GPR19: variants seen among roughly 807,000 people sequenced by gnomAD.
GPR19 encodes the protein probable G protein-coupled receptor 19.
GPR19 carries 14 observed loss-of-function variants against 28.5 expected under a neutral mutation model. The ratio of observed to expected loss-of-function variants is 0.49; its 90% CI spans 0.32 to 0.77. The LOEUF is 0.77. Ranked by LOEUF, GPR19 falls within the 30% of genes least tolerant of loss-of-function variation. The pLI, the probability that GPR19 is intolerant of heterozygous loss-of-function variation, is 0.03. For missense variants in GPR19, 409 were observed against 504.1 expected (o/e 0.81, Z 1.81); for synonymous variants, 173 against 184.1 (o/e 0.94, Z 0.49).
chr12:12,672,405 C>G (rs1403510996), intron 3 of GPR19, among the ~76,000 whole-genome samples: 1 of 152,140 alleles, frequency 6.6e-6, no homozygotes, highest in East Asian at 1.9e-4. Flanking sequence ...CCTACATTCA[C>G]ACAAAATCTG....
At chr12:12,688,115 T>A (rs1946120938) in intron 2 of GPR19, among the ~76,000 whole-genome samples, 1 of 152,170 alleles carries the variant, frequency 6.6e-6, no homozygotes, top group Admixed American at 6.5e-5. Flanking sequence ...GTTGAACGGG[T>A]TATTTGTAGA....
chr12:12,691,579 G>A (rs183787244), intron 2 of GPR19, among the ~76,000 whole-genome samples: 16 of 152,052 alleles, frequency 1.1e-4, no homozygotes, highest in Admixed American at 2.0e-4. Context: ...TTTCACCATA[G>A]TACTTTAATT....
intron 3 of GPR19, among the ~76,000 whole-genome samples, chr12:12,664,125 G>C (rs553344854): frequency 6.6e-6 from 1 of 152,222 alleles, no homozygotes; most frequent in South Asian, 2.1e-4. Flanking sequence ...GAGTAGTTGG[G>C]ACTAGAGGCG....
At chr12:12,715,918 A>T in the GPR19 span, 1 of 152,250 alleles carries the variant, frequency 6.6e-6, no homozygotes. Flanking sequence ...GTGGCTAAGA[A>T]AACAAGCTAC....
intron 3 of GPR19, among the ~76,000 whole-genome samples, chr12:12,662,816 A>C (rs1945700242): frequency 6.6e-6 from 1 of 152,246 alleles, no homozygotes; most frequent in African/African-American, 2.4e-5. Flanking sequence ...GGCTCATGGT[A>C]ACGGTGTTAC....
rs117241049 is a variant in GPR19, at chr12:12,691,356, C to T, written c.-180+4103G>A. Among the ~76,000 whole-genome samples the T allele has an allele frequency of 5.9e-5, 9 of 152,156 alleles. No individual in the cohort carries two copies. In the East Asian group the frequency reaches 1.7e-3, roughly 30 times the overall value. Reference sequence around the variant, plus strand: ...CTGGTCTAAACTCAACCCCTGTGACCTCCATTTCACCTCCATTTGAGTCAC... The same window carrying T: ...CTGGTCTAAACTCAACCCCTGTGACTTCCATTTCACCTCCATTTGAGTCAC... On this transcript the variant is annotated intron_variant, in intron 2 of 3. Transcript: ENST00000651487.
chr12:12,672,707 A>C (rs1945871979), intron 3 of GPR19, among the ~76,000 whole-genome samples: 2 of 152,108 alleles, frequency 1.3e-5, no homozygotes, highest in Non-Finnish European at 2.9e-5. Context: ...AGATTGTACT[A>C]CTGCACTCCA....
At chr12:12,698,194 G>A (rs1592273197), upstream of GPR19, among the ~76,000 whole-genome samples, 1 of 152,282 alleles carries the variant, frequency 6.6e-6, no homozygotes, top group Middle Eastern at 3.4e-3. Context: ...TATAGTGTAA[G>A]AATAGTAAGT....
At chr12:12,690,244 C>G (rs1946163990) in intron 2 of GPR19, among the ~76,000 whole-genome samples, 1 of 152,170 alleles carries the variant, frequency 6.6e-6, no homozygotes, top group Non-Finnish European at 1.5e-5. Context: ...CATGAGATAT[C>G]TGTAGCGAGT....
chr12:12,669,690 TC>T (rs1287239160), intron 3 of GPR19, among the ~76,000 whole-genome samples: 1 of 152,134 alleles, frequency 6.6e-6, no homozygotes, highest in Middle Eastern at 3.4e-3. Context: ...TTTGTTTTTT[TC>T]CCCCCTCTGC....
chr12:12,677,720 G>T (rs547219632), intron 3 of GPR19, among the ~76,000 whole-genome samples: 5 of 152,074 alleles, frequency 3.3e-5, no homozygotes, highest in African/African-American at 1.2e-4. Flanking sequence ...GTTTATAAAT[G>T]ATCATTTCTC....
intron 3 of GPR19, among the ~76,000 whole-genome samples, chr12:12,666,367 T>A (rs1320433555): frequency 6.6e-6 from 1 of 152,226 alleles, no homozygotes. Context: ...ATCTTGTTAG[T>A]CCTTTACTGC....
At position 12,696,136 on chromosome 12, in the gene GPR19, C is replaced by G. The variant is rs1946255840; in HGVS notation, c.-304G>C. The G allele has an allele frequency of 6.6e-6, 1 of 152,100 alleles. No homozygotes were observed. The allele number at this position is 152,100 out of a possible 1,614,324, so 9.4% of individuals were successfully genotyped here. A position where few individuals can be genotyped will look rare whatever the true frequency, so the allele number is the denominator to read the frequency against. On this transcript the variant is annotated 5_prime_UTR_variant, in exon 1 of 4. Coordinates refer to ENST00000651487, the MANE Select transcript of GPR19 (RefSeq NM_006143.3). ...TGTACGTGAATCCATCAGATCAACG[C>G]GACGGACACTCCCCAAGGGCCAAAT... is the stretch of plus-strand genomic sequence containing the variant.
At chr12:12,712,850 T>C in the GPR19 span, among the ~76,000 whole-genome samples, 1 of 152,278 alleles carries the variant, frequency 6.6e-6, no homozygotes. Flanking sequence ...CTAGTTTTTG[T>C]GCACATGGTA....
At chr12:12,707,229 CTCAAATA>C in the GPR19 span, among the ~76,000 whole-genome samples, 38 of 152,348 alleles carry the variant, frequency 2.5e-4, 1 homozygote, top group Admixed American at 2.5e-3. Context: ...CAGGATTCTA[CTCAAATA>C]TCACTTTATT....
chr12:12,716,965 C>G, the GPR19 span: 2 of 985,362 alleles, frequency 2.0e-6, no homozygotes, highest in Non-Finnish European at 2.4e-6. Flanking sequence ...TGCCGGCGAC[C>G]TTCGCGGTCC....
the GPR19 span, chr12:12,703,246 C>A: frequency 3.6e-6 from 1 of 275,604 alleles, no homozygotes; most frequent in Non-Finnish European, 5.5e-6. Context: ...TTATATTGGA[C>A]GTGGAAAGGA....
Position 12,661,278 on chromosome 12 carries a change from C to T in GPR19, c.1171G>A (p.Asp391Asn). 6.2e-7 allele frequency: 1 copy of T among 1,613,640 alleles called. No individual in the cohort carries two copies. The highest frequency in any genetic ancestry group is 8.5e-7 in the Non-Finnish European group (1 of 1,179,636). ...TCCTTGGCTTCTCTGTCAAATGAGT[C>T]ATAGATCGAGTCTTTGGTAATAGTT... ...AKTITKDSIY[D>N]SFDREAKEKK... Residue 391 changes from aspartate to asparagine, a missense_variant, in exon 4 of 4, where the codon GAC (aspartate) becomes AAC (asparagine). Physicochemically the swap from Asp to Asn is conservative, Grantham distance 23 (BLOSUM62 1). Coordinates refer to ENST00000651487, the MANE Select transcript of GPR19 (RefSeq NM_006143.3). This position sits in a 1 kb window ranked among gnomAD's most constrained non-coding sequence, Gnocchi z 4.2.
At chr12:12,708,728 G>A in the GPR19 span, among the ~76,000 whole-genome samples, 1 of 152,222 alleles carries the variant, frequency 6.6e-6, no homozygotes, top group African/African-American at 2.4e-5. Context: ...AGGATCAAAT[G>A]TGATGACACC....
Sources: gnomAD v4.1 joint callset for allele counts (sites outside exome capture counted in the v4.1 genomes callset) on GRCh38, gnomAD v4.1.1 for gene constraint, Gnocchi (gnomAD v3.1) non-coding constraint, MANE v1.5 for transcripts, NCBI Gene and HGNC (gene_info 2026-07-23, HGNC 2026-07-21) for gene names.